PARP8: variants seen among roughly 807,000 people sequenced by gnomAD.
PARP8 encodes the protein protein mono-ADP-ribosyltransferase PARP8.
PARP8 carries 51 observed loss-of-function variants against 124.1 expected under a neutral mutation model. That is an observed-to-expected ratio of 0.41 (90% CI 0.33 to 0.52). The LOEUF is 0.52. Ranked by LOEUF, PARP8 falls within the 20% of genes least tolerant of loss-of-function variation. The pLI, the probability that PARP8 is intolerant of heterozygous loss-of-function variation, is 0.21. For synonymous variants in PARP8, 391 were observed against 361.5 expected (o/e 1.08, Z -0.93); for missense variants, 860 against 1,018.9 (o/e 0.84, Z 2.12).
intron 3 of PARP8, among the ~76,000 whole-genome samples, chr5:50,756,424 T>A (rs1759962627): frequency 6.6e-6 from 1 of 151,606 alleles, no homozygotes. Flanking sequence ...TCTAAACAAA[T>A]TTTTTTTTAC....
At chr5:50,833,408 G>A in intron 23 of PARP8, 2 of 453,976 alleles carry the variant, frequency 4.4e-6, no homozygotes, top group Non-Finnish European at 8.9e-6. Context: ...TCAATCCCAT[G>A]TTGTTTCAGA....
intron 14 of PARP8, among the ~76,000 whole-genome samples, chr5:50,813,632 A>G (rs1450079470): frequency 6.6e-6 from 1 of 152,176 alleles, no homozygotes; most frequent in Non-Finnish European, 1.5e-5. Context: ...ACACTATGTT[A>G]AATAGGAGTG....
chr5:50,694,036 A>G (rs1392547867), intron 2 of PARP8, among the ~76,000 whole-genome samples: 2 of 152,166 alleles, frequency 1.3e-5, no homozygotes, highest in African/African-American at 2.4e-5. Flanking sequence ...TAACAGTAGC[A>G]GTAAATAATT....
In PARP8 at chr5:50,821,320, G is replaced by A; in HGVS notation, c.1776G>A (p.Met592Ile). 6.2e-7 allele frequency: 1 copy of A among 1,614,074 alleles called. No homozygotes were observed. The highest frequency in any genetic ancestry group is 8.5e-7 in the Non-Finnish European group (1 of 1,179,960). The change falls in exon 16 of 26, where the codon ATG becomes ATA. Residue 592 changes from methionine (M) to isoleucine (I), a missense_variant. Physicochemically the swap from Met to Ile is conservative, Grantham distance 10 (BLOSUM62 1). Coordinates refer to ENST00000281631, the MANE Select transcript of PARP8 (RefSeq NM_024615.4). Reference sequence around the variant, plus strand: ...TGGTAGATCCTAATGATCCTCAGATGTTGGCCTTCAACCCCAGGGTAAGTT... The same window carrying A: ...TGGTAGATCCTAATGATCCTCAGATATTGGCCTTCAACCCCAGGGTAAGTT... Reference protein sequence around the residue: ...PSVVDPNDPQMLAFNPRKKNY... With the variant: ...PSVVDPNDPQILAFNPRKKNY...
At chr5:50,755,538 A>G (rs1386357799) in intron 3 of PARP8, among the ~76,000 whole-genome samples, 1 of 152,008 alleles carries the variant, frequency 6.6e-6, no homozygotes, top group South Asian at 2.1e-4. Flanking sequence ...CCATTGGTCT[A>G]TATCTCTGTT....
chr5:50,766,003 G>A (rs1046445165), intron 7 of PARP8, among the ~76,000 whole-genome samples: 7 of 152,094 alleles, frequency 4.6e-5, no homozygotes, highest in East Asian at 1.9e-4. Flanking sequence ...TTAAAGCAAC[G>A]TCTAATGAGA....
At chr5:50,679,734 T>A (rs1751064972) in intron 2 of PARP8, among the ~76,000 whole-genome samples, 1 of 152,220 alleles carries the variant, frequency 6.6e-6, no homozygotes, top group Admixed American at 6.5e-5. Flanking sequence ...AGGGCTAAGT[T>A]CATGTTTCTG....
At chr5:50,813,079 C>G (rs1744660645) in intron 14 of PARP8, among the ~76,000 whole-genome samples, 1 of 152,172 alleles carries the variant, frequency 6.6e-6, no homozygotes, top group African/African-American at 2.4e-5. Context: ...AATGTGGGCT[C>G]TTTTTTGGTT....
At chr5:50,770,672 AAAG>A (rs755515506) in intron 7 of PARP8, among the ~76,000 whole-genome samples, 3 of 151,706 alleles carry the variant, frequency 2.0e-5, no homozygotes, top group East Asian at 3.9e-4. Context: ...GAAAGAAAAG[AAAG>A]AAATAACGAA....
intron 2 of PARP8, among the ~76,000 whole-genome samples, chr5:50,726,182 C>G (rs181843319): frequency 2.2e-4 from 34 of 152,030 alleles, no homozygotes; most frequent in African/African-American, 8.2e-4. Flanking sequence ...TGAAGCTTCA[C>G]TTTAATTCCC....
intron 2 of PARP8, among the ~76,000 whole-genome samples, chr5:50,671,740 G>T (rs1264389794): frequency 1.3e-5 from 2 of 151,950 alleles, no homozygotes; most frequent in African/African-American, 4.8e-5. Flanking sequence ...GAAAAGACAT[G>T]AGACTAAAGA....
At chr5:50,821,460 A>C in intron 16 of PARP8, 122 bp downstream of exon 16, 1 of 1,069,102 alleles carries the variant, frequency 9.4e-7, no homozygotes, top group South Asian at 1.7e-5. Flanking sequence ...AAGCATATCC[A>C]TGAGTATTTA....
intron 15 of PARP8, among the ~76,000 whole-genome samples, 168 bp from the exon 16 acceptor site, chr5:50,821,045 T>C (rs1330307882): frequency 6.6e-6 from 1 of 152,204 alleles, no homozygotes; most frequent in Non-Finnish European, 1.5e-5. Flanking sequence ...TTTGAATTGA[T>C]GGTAAAGTTT....
intron 7 of PARP8, among the ~76,000 whole-genome samples, chr5:50,767,060 G>A (rs1042321261): frequency 6.6e-6 from 1 of 151,818 alleles, no homozygotes; most frequent in African/African-American, 2.4e-5. Flanking sequence ...ACTAATTTTG[G>A]CCAGTCATAT....
Position 50,713,487 on chromosome 5 carries a change from C to A in PARP8, c.147-36664C>A, listed in dbSNP as rs75083790. 3.7e-3 allele frequency among the ~76,000 whole-genome samples: 567 copies of A among 152,060 alleles called. 2 individuals carry two copies. Among genetic ancestry groups the A allele is most frequent in the African/African-American group, 0.013 (522 of 41,484 alleles). ...AACTTCTGGGCTCATGTGATTTGCT[C>A]CCCTGTGCCTCCCATAGTGCTGGGA... On this transcript the variant is annotated intron_variant, in intron 2 of 25. Transcript: ENST00000281631.
chr5:50,838,861 A>G (rs1242545046), intron 25 of PARP8, among the ~76,000 whole-genome samples: 3 of 151,852 alleles, frequency 2.0e-5, no homozygotes, highest in Admixed American at 2.0e-4. Flanking sequence ...CTAGACCATT[A>G]GCCTATTTTT....
chr5:50,730,539 C>T (rs1006631892), intron 2 of PARP8, among the ~76,000 whole-genome samples: 13 of 152,134 alleles, frequency 8.5e-5, no homozygotes, highest in African/African-American at 2.4e-4. Flanking sequence ...TACCTCCCAC[C>T]GGGTCCCTCC....
intron 9 of PARP8, among the ~76,000 whole-genome samples, chr5:50,787,845 A>G (rs1346123223): frequency 5.3e-5 from 8 of 150,604 alleles, no homozygotes; most frequent in Non-Finnish European, 8.9e-5. Flanking sequence ...TTAGTTACAT[A>G]TTTAGTTTAG....
chr5:50,707,130 G>C (rs1401731899), intron 2 of PARP8, among the ~76,000 whole-genome samples: 1 of 151,938 alleles, frequency 6.6e-6, no homozygotes, highest in Admixed American at 6.6e-5. Flanking sequence ...GTACACATAA[G>C]AACATTTACT....
Sources: allele counts gnomAD v4.1 joint callset (sites outside exome capture counted in the v4.1 genomes callset), GRCh38; gene constraint gnomAD v4.1.1; transcripts MANE v1.5; gene names NCBI Gene and HGNC (gene_info 2026-07-23, HGNC 2026-07-21).